The following ABCA9 variants were observed in gnomAD, a reference collection of about 807,000 sequenced individuals.
ABCA9 encodes the protein ATP binding cassette subfamily A member 9.
Under a neutral mutation model 205.3 loss-of-function variants are expected in ABCA9, and 183 were observed. The observed-to-expected ratio is 0.89, with a 90% confidence interval of 0.79 to 1.01. The LOEUF (loss-of-function observed/expected upper bound fraction) is 1.01, where lower values mean the gene tolerates loss of function less well. ABCA9 is among the 50% of genes least tolerant of loss of function. The pLI is 0.00. For missense variants in ABCA9, 1,805 were observed against 1,912.4 expected, an observed-to-expected ratio of 0.94 and a Z score of 1.05; for synonymous variants, 651 against 683.3, an observed-to-expected ratio of 0.95 and a Z score of 0.74.
intron 31 of ABCA9, 110 bp downstream of exon 31, chr17:68,988,916 TC>T (rs1454991501): frequency 1.5e-6 from 1 of 660,396 alleles, no homozygotes; most frequent in Non-Finnish European, 2.6e-6. Context: ...TCTTCTTTAT[TC>T]AATGCATAAA....
At chr17:69,076,669 A>G in the ABCA9 span, among the ~76,000 whole-genome samples, 1 of 152,082 alleles carries the variant, frequency 6.6e-6, no homozygotes, top group Non-Finnish European at 1.5e-5. Context: ...TAGATTTTTC[A>G]TTACTGGTTC....
At chr17:69,063,009 A>G (rs1387568610), upstream of ABCA9, among the ~76,000 whole-genome samples, 1 of 152,206 alleles carries the variant, frequency 6.6e-6, no homozygotes, top group East Asian at 1.9e-4. Flanking sequence ...TGAGGTAGGC[A>G]TTATTCTAAT....
Position 69,024,300 on chromosome 17 carries a change from T to G in ABCA9, c.2195A>C (p.Gln732Pro), listed in dbSNP as rs984612631. 8.7e-6 allele frequency: 14 copies of G among 1,612,914 alleles called. No individual in the cohort carries two copies. Among genetic ancestry groups the G allele is most frequent in the African/African-American group, 1.3e-5 (1 of 74,912 alleles). Residue 732 changes from glutamine (Q) to proline (P), a missense_variant, in exon 17 of 39, where the codon CAG (glutamine) becomes CCG (proline). Transcript: ENST00000340001. ...TGTCAATTTGGCATCAGAGATGTGC[T>G]GCTTAACCAGTGATGTTATACTCTC... is the stretch of plus-strand genomic sequence containing the variant. ...DPESITSLVK[Q>P]HISDAKLTAQ...
intron 25 of ABCA9, among the ~76,000 whole-genome samples, chr17:69,002,480 GAGAT>G (rs1393206385): frequency 2.1e-5 from 3 of 144,324 alleles, no homozygotes; most frequent in Non-Finnish European, 3.0e-5. Context: ...TGTGGTCTGA[GAGAT>G]AGTTTGTTAT....
chr17:69,039,874 C>A (rs2071476758), intron 6 of ABCA9, among the ~76,000 whole-genome samples: 1 of 151,970 alleles, frequency 6.6e-6, no homozygotes, highest in East Asian at 1.9e-4. Flanking sequence ...AAACTAACAA[C>A]CCATCAAAAA....
At chr17:69,063,614 T>TG (rs1346844906), upstream of ABCA9, among the ~76,000 whole-genome samples, 59 of 146,890 alleles carry the variant, frequency 4.0e-4, no homozygotes, top group East Asian at 3.8e-3. Flanking sequence ...TGTTTGTTTT[T>TG]TTTTGTGTGT....
chr17:69,060,551 A>G (rs760556388), intron 1 of ABCA9, among the ~76,000 whole-genome samples: 11 of 152,244 alleles, frequency 7.2e-5, no homozygotes, highest in Non-Finnish European at 1.3e-4. Context: ...AGTAATTCAA[A>G]TAAATTTGGA....
intron 8 of ABCA9, 106 bp from the exon 9 acceptor site, chr17:69,033,979 A>C: frequency 1.1e-6 from 1 of 916,482 alleles, no homozygotes; most frequent in East Asian, 2.5e-5. Context: ...AATAAGATAT[A>C]ATCTTGTCTC....
chr17:69,044,182 C>A (rs2144461234), intron 5 of ABCA9, among the ~76,000 whole-genome samples: 1 of 152,054 alleles, frequency 6.6e-6, no homozygotes, highest in South Asian at 2.1e-4. Flanking sequence ...CCAGCCTGGG[C>A]AACAGAGTAA....
rs761330429 is a variant in ABCA9, at chr17:69,008,197, G to A, written c.3186C>T (p.Tyr1062=). 8 of 1,613,596 alleles carry A rather than the reference G, an allele frequency of 5.0e-6. No homozygotes were observed. In the East Asian group the frequency reaches 1.3e-4, roughly 27 times the overall value. ...AHSQLRISGL[Y]PSAYWFGQAL... The stretch of plus-strand genomic sequence containing the variant: ...CTTGGCCAAACCAGTATGCAGAAGG[G>A]TAGAGGCCTGAAATCCGTAGCTGGG... The change falls in exon 24 of 39, where the codon TAC becomes TAT. Residue 1062 remains tyrosine, a synonymous_variant. Transcript: ENST00000340001.
chr17:69,070,774 A>C, the ABCA9 span, among the ~76,000 whole-genome samples: 2 of 152,184 alleles, frequency 1.3e-5, no homozygotes, highest in Non-Finnish European at 2.9e-5. Context: ...GGCTGAAGCC[A>C]GGAAGCCAAG....
the ABCA9 span, among the ~76,000 whole-genome samples, chr17:69,075,301 G>A: frequency 1.3e-5 from 2 of 152,086 alleles, no homozygotes; most frequent in African/African-American, 4.8e-5. Context: ...TGAGGACTTA[G>A]TCATAAATTC....
intron 10 of ABCA9, 33 bp downstream of exon 10, chr17:69,032,075 T>C: frequency 6.3e-7 from 1 of 1,577,090 alleles, no homozygotes. Context: ...CTGCCTGTTC[T>C]CCATTGGTGC....
chr17:69,044,521 A>T lies in ABCA9; in HGVS notation c.549T>A (p.Ala183=). ...FWEKGFVAFQ[A]AINAAIIEIA... ...CTTCTATGATAGCAGCATTAATGGCAGCTTGAAAAGCTACAAAGCCTTTCT... is the reference window on the plus strand; with the variant it reads ...CTTCTATGATAGCAGCATTAATGGCTGCTTGAAAAGCTACAAAGCCTTTCT... Residue 183 remains alanine (A), a synonymous_variant, in exon 5 of 39, where the codon GCT becomes GCA. Coordinates refer to ENST00000340001, the MANE Select transcript of ABCA9 (RefSeq NM_080283.4). 6.2e-7 allele frequency: 1 copy of T among 1,613,158 alleles called. No homozygotes were observed. Among genetic ancestry groups the T allele is most frequent in the Non-Finnish European group, 8.5e-7 (1 of 1,179,510 alleles).
At chr17:69,003,164 T>C (rs2144132023) in intron 25 of ABCA9, among the ~76,000 whole-genome samples, 1 of 152,004 alleles carries the variant, frequency 6.6e-6, no homozygotes, top group Non-Finnish European at 1.5e-5. Context: ...GTCATTATGA[T>C]GTTAGCTGGT....
At chr17:69,007,924 A>T in intron 24 of ABCA9, 52 bp from the exon 25 acceptor site, 1 of 1,411,678 alleles carries the variant, frequency 7.1e-7, no homozygotes, top group Non-Finnish European at 9.9e-7. Flanking sequence ...CTAGAAGAGT[A>T]CTCATATTTA....
intron 6 of ABCA9, among the ~76,000 whole-genome samples, chr17:69,036,927 A>G (rs2144401952): frequency 7.4e-6 from 1 of 135,436 alleles, no homozygotes; most frequent in East Asian, 2.1e-4. Context: ...GTCTCTGATA[A>G]AACAGACTTT....
intron 37 of ABCA9, among the ~76,000 whole-genome samples, chr17:68,978,805 C>T (rs891870411): frequency 6.6e-6 from 1 of 152,110 alleles, no homozygotes; most frequent in Admixed American, 6.5e-5. Context: ...TAAGAGCTAT[C>T]TATGACAAAC....
intron 26 of ABCA9, 63 bp from the exon 27 acceptor site, chr17:68,993,147 C>T: frequency 7.2e-7 from 1 of 1,396,884 alleles, no homozygotes; most frequent in Non-Finnish European, 1.0e-6. Context: ...GAATTTATCC[C>T]ACTTAAGATA....
Sources: gnomAD v4.1 joint callset for allele counts (sites outside exome capture counted in the v4.1 genomes callset) on GRCh38, gnomAD v4.1.1 for gene constraint, MANE v1.5 for transcripts, NCBI Gene and HGNC (gene_info 2026-07-23, HGNC 2026-07-21) for gene names.